ATP8B4: variants seen among roughly 807,000 people sequenced by gnomAD.
ATP8B4 encodes the protein probable phospholipid-transporting ATPase IM.
A neutral mutation model predicts 145.6 loss-of-function variants in ATP8B4; 133 were observed. The ratio of observed to expected loss-of-function variants is 0.91; its 90% CI spans 0.79 to 1.05. ATP8B4 has a LOEUF of 1.05. Among genes scored for constraint, ATP8B4 ranks in the 50% least tolerant of loss-of-function variants. ATP8B4 has a pLI of 0.00. For missense variants in ATP8B4, 1,458 were observed against 1,425.2 expected (o/e 1.02, Z -0.37); for synonymous variants, 507 against 492.9 (o/e 1.03, Z -0.38).
chr15:50,020,636 T>A (rs1056162469), intron 6 of ATP8B4, among the ~76,000 whole-genome samples: 13 of 152,130 alleles, frequency 8.5e-5, no homozygotes, highest in Non-Finnish European at 1.5e-5. Context: ...GAATTCTGGT[T>A]TCCTAGACCA....
intron 9 of ATP8B4, among the ~76,000 whole-genome samples, chr15:49,991,599 A>G (rs998109425): frequency 3.3e-5 from 5 of 152,172 alleles, no homozygotes; most frequent in African/African-American, 1.2e-4. Context: ...AGATCAAGTT[A>G]TGTATCTTTT....
chr15:50,122,217 C>T (rs1042443516), upstream of ATP8B4, among the ~76,000 whole-genome samples: 17 of 152,084 alleles, frequency 1.1e-4, no homozygotes, highest in Non-Finnish European at 2.5e-4. Flanking sequence ...AGTTTGAAAT[C>T]TACAGTTGGA....
At chr15:49,986,368 C>T (rs1291472181) in intron 10 of ATP8B4, among the ~76,000 whole-genome samples, 2 of 152,188 alleles carry the variant, frequency 1.3e-5, no homozygotes, top group African/African-American at 2.4e-5. Context: ...TCAAGCCTAG[C>T]TCTCTTTTTC....
chr15:49,920,879 C>T (rs1388764941), intron 17 of ATP8B4, among the ~76,000 whole-genome samples: 1 of 152,182 alleles, frequency 6.6e-6, no homozygotes, highest in Non-Finnish European at 1.5e-5. Context: ...AGGCTCTCCC[C>T]AGGAACCACA....
At chr15:50,033,098 C>T (rs953266663) in intron 6 of ATP8B4, among the ~76,000 whole-genome samples, 1 of 152,100 alleles carries the variant, frequency 6.6e-6, no homozygotes, top group Admixed American at 6.5e-5. Flanking sequence ...CTAGAAACAC[C>T]AGACTTGGAA....
chr15:50,180,169 A>G (rs921163763), intron 1 of ATP8B4, among the ~76,000 whole-genome samples: 1 of 152,168 alleles, frequency 6.6e-6, no homozygotes, highest in Non-Finnish European at 1.5e-5. Flanking sequence ...AAATGGGCGC[A>G]TAATCCAGTC....
At chr15:50,027,223 A>T (rs1326478892) in intron 6 of ATP8B4, among the ~76,000 whole-genome samples, 1 of 152,076 alleles carries the variant, frequency 6.6e-6, no homozygotes, top group Non-Finnish European at 1.5e-5. Context: ...CCTTGCACCT[A>T]CTGCTGTCAA....
intron 3 of ATP8B4, among the ~76,000 whole-genome samples, chr15:50,073,659 T>G (rs776236769): frequency 4.6e-5 from 7 of 152,200 alleles, no homozygotes; most frequent in Non-Finnish European, 7.3e-5. Flanking sequence ...CCTGAGGAAT[T>G]GCCACACTGT....
chr15:50,150,514 T>G (rs895645889), intron 1 of ATP8B4, among the ~76,000 whole-genome samples: 2 of 151,876 alleles, frequency 1.3e-5, no homozygotes, highest in Non-Finnish European at 2.9e-5. Flanking sequence ...TTGTCCCAGG[T>G]TGCTCATCTA....
intron 10 of ATP8B4, among the ~76,000 whole-genome samples, chr15:49,986,941 T>C (rs2046658386): frequency 1.4e-5 from 2 of 139,304 alleles, no homozygotes; most frequent in Non-Finnish European, 3.0e-5. Flanking sequence ...CTATGGAGTA[T>C]AAACAGAAAT....
chr15:50,018,805 G>A (rs956429854), intron 6 of ATP8B4: 19 of 629,828 alleles, frequency 3.0e-5, no homozygotes, highest in Admixed American at 1.1e-4. Flanking sequence ...TTAACATCAC[G>A]TCAACAGATT....
intron 2 of ATP8B4, among the ~76,000 whole-genome samples, chr15:50,086,208 T>C (rs1600280945): frequency 9.2e-6 from 1 of 108,484 alleles, no homozygotes; most frequent in Non-Finnish European, 1.7e-5. Flanking sequence ...TAAAATAATA[T>C]AGAGATCTAT....
intron 6 of ATP8B4, chr15:50,018,996 A>G: frequency 1.8e-6 from 2 of 1,130,684 alleles, no homozygotes; most frequent in Non-Finnish European, 1.2e-6. Context: ...GAGGAGAAAC[A>G]AAGTTCGAGT....
chr15:49,970,733 G>T (rs1009262397), intron 13 of ATP8B4, among the ~76,000 whole-genome samples: 1 of 152,082 alleles, frequency 6.6e-6, no homozygotes, highest in South Asian at 2.1e-4. Context: ...TCCCCATCAA[G>T]CTACCATTGA....
At chr15:50,042,927 G>T (rs28370381) in intron 5 of ATP8B4, among the ~76,000 whole-genome samples, 102 of 152,328 alleles carry the variant, frequency 6.7e-4, no homozygotes, top group African/African-American at 2.4e-3. Flanking sequence ...GCAACAGCTA[G>T]ATAATAGATG....
At chr15:49,904,289 A>G (rs2038370158) in intron 20 of ATP8B4, among the ~76,000 whole-genome samples, 1 of 152,138 alleles carries the variant, frequency 6.6e-6, no homozygotes, top group African/African-American at 2.4e-5. Context: ...TTTGATTTGA[A>G]TTCCCAGTTC....
intron 3 of ATP8B4, among the ~76,000 whole-genome samples, chr15:50,054,559 G>A (rs553470735): frequency 7.2e-5 from 11 of 152,104 alleles, no homozygotes; most frequent in Admixed American, 2.6e-4. Flanking sequence ...TGAGGCAGGC[G>A]GATCACAAGG....
intron 26 of ATP8B4, 43 bp from the exon 27 acceptor site, chr15:49,862,418 G>A: frequency 6.3e-7 from 1 of 1,584,932 alleles, no homozygotes; most frequent in Non-Finnish European, 8.6e-7. Flanking sequence ...TTACAAGTAG[G>A]ACTGAATTAT....
chr15:50,075,879 T>C (rs80125134), intron 2 of ATP8B4, among the ~76,000 whole-genome samples: 2,956 of 152,260 alleles, frequency 0.019, 92 homozygotes, highest in African/African-American at 0.068. Context: ...AACATCACCA[T>C]AACCCAGAAG....
Sources: gnomAD v4.1 joint callset for allele counts (sites outside exome capture counted in the v4.1 genomes callset) on GRCh38, gnomAD v4.1.1 for gene constraint, MANE v1.5 for transcripts, NCBI Gene and HGNC (gene_info 2026-07-23, HGNC 2026-07-21) for gene names.